Variants in NPSR1 observed in about 807,000 individuals in gnomAD.
NPSR1 encodes the protein neuropeptide S receptor.
A neutral mutation model predicts 46.9 loss-of-function variants in NPSR1; 48 were observed. The observed-to-expected ratio is 1.02, with a 90% confidence interval of 0.81 to 1.30. The LOEUF is 1.30. NPSR1 is among the 50% of genes most tolerant of loss of function. The probability of loss-of-function intolerance (pLI) is 0.00; values close to 1 mark genes in which losing one functional copy is unlikely to be tolerated. For synonymous variants in NPSR1, 176 were observed against 168.1 expected, an observed-to-expected ratio of 1.05 and a Z score of -0.36; for missense variants, 450 against 449.5, an observed-to-expected ratio of 1.00 and a Z score of -0.01.
At chr7:34,717,026 G>T (rs550252627) in intron 2 of NPSR1, among the ~76,000 whole-genome samples, 1 of 152,204 alleles carries the variant, frequency 6.6e-6, no homozygotes, top group African/African-American at 2.4e-5. Flanking sequence ...TCACTGCCAG[G>T]GATATTTTAC....
intron 2 of NPSR1, chr7:34,751,040 G>C: frequency 3.9e-6 from 3 of 774,334 alleles, no homozygotes; most frequent in Non-Finnish European, 7.2e-6. Flanking sequence ...ACTCAGGGTT[G>C]ATGAGCAGCA....
chr7:34,804,645 A>G (rs993216590), intron 3 of NPSR1, among the ~76,000 whole-genome samples: 1 of 149,892 alleles, frequency 6.7e-6, no homozygotes, highest in South Asian at 2.1e-4. Context: ...CGCCACTCCC[A>G]TTCAACACTG....
chr7:34,815,449 G>C (rs780150482), intron 4 of NPSR1, among the ~76,000 whole-genome samples: 9 of 152,182 alleles, frequency 5.9e-5, no homozygotes, highest in Non-Finnish European at 8.8e-5. Flanking sequence ...CATTTGATTA[G>C]TGTACCTGAA....
At chr7:34,776,413 T>C (rs1227093929) in intron 2 of NPSR1, among the ~76,000 whole-genome samples, 2 of 152,160 alleles carry the variant, frequency 1.3e-5, no homozygotes, top group African/African-American at 4.8e-5. Flanking sequence ...ACAATTGTTA[T>C]ATTCTCTTGC....
chr7:34,774,154 A>AGG (rs1786827113), intron 2 of NPSR1, among the ~76,000 whole-genome samples: 3 of 152,220 alleles, frequency 2.0e-5, no homozygotes, highest in Admixed American at 2.0e-4. Context: ...CTGTCTTCCA[A>AGG]GGCTACCCCA....
intron 4 of NPSR1, among the ~76,000 whole-genome samples, chr7:34,823,113 AGGCGCTGT>A (rs1789636801): frequency 6.6e-6 from 1 of 152,190 alleles, no homozygotes; most frequent in African/African-American, 2.4e-5. Context: ...AAATGAGACC[AGGCGCTGT>A]GGCCCACGCC....
intron 2 of NPSR1, among the ~76,000 whole-genome samples, chr7:34,757,276 G>A (rs1351731577): frequency 1.3e-5 from 2 of 152,204 alleles, no homozygotes; most frequent in East Asian, 3.9e-4. Flanking sequence ...TGTTAGGTTG[G>A]TGCAAAAGTA....
At chr7:34,867,049 TA>T (rs1212060520) in intron 8 of NPSR1, among the ~76,000 whole-genome samples, 1 of 151,614 alleles carries the variant, frequency 6.6e-6, no homozygotes, top group Non-Finnish European at 1.5e-5. Context: ...GAGGCCTGAA[TA>T]AGACCCTTCC....
chr7:34,875,418 G>GT (rs1791551787), intron 8 of NPSR1, among the ~76,000 whole-genome samples: 1 of 152,216 alleles, frequency 6.6e-6, no homozygotes, highest in African/African-American at 2.4e-5. Flanking sequence ...CTTCCAGAGA[G>GT]TTTAGCTGCT....
chr7:34,845,472 C>G lies in NPSR1; in HGVS notation c.844+490C>G. The G allele has an allele frequency of 7.0e-6, 3 of 430,100 alleles. 1 individual carries two copies. Among genetic ancestry groups the G allele is most frequent in the South Asian group, 5.0e-5 (3 of 59,884 alleles). 26.6% of individuals were successfully genotyped at this position (430,100 alleles called of 1,614,324 possible). A position where few individuals can be genotyped will look rare whatever the true frequency, so the allele number is the denominator to read the frequency against. ...TTTTCCTTTCTCTCTACTCTTAAGA[C>G]TCATAAAGTCACCTTGTACTATTTC... is the stretch of plus-strand genomic sequence containing the variant. On this transcript the variant is annotated intron_variant, in intron 7 of 8. Transcript: ENST00000360581.
chr7:34,793,356 CA>C (rs1204689484), intron 3 of NPSR1, among the ~76,000 whole-genome samples: 4 of 151,696 alleles, frequency 2.6e-5, no homozygotes, highest in East Asian at 3.9e-4. Context: ...AACTCAATAG[CA>C]AAAAACAAAA....
chr7:34,764,103 T>A (rs1169451322), intron 2 of NPSR1, among the ~76,000 whole-genome samples: 1 of 152,178 alleles, frequency 6.6e-6, no homozygotes, highest in Admixed American at 6.5e-5. Flanking sequence ...GTGTATTTTA[T>A]GCAAAAAAGA....
downstream of NPSR1, among the ~76,000 whole-genome samples, chr7:34,850,303 T>C (rs1790894090): frequency 6.6e-6 from 1 of 152,016 alleles, no homozygotes; most frequent in African/African-American, 2.4e-5. Context: ...GAAGGGATAC[T>C]GGTTCTGATA....
chr7:34,764,042 T>A (rs989708355), intron 2 of NPSR1, among the ~76,000 whole-genome samples: 1 of 152,218 alleles, frequency 6.6e-6, no homozygotes, highest in East Asian at 1.9e-4. Context: ...GTCAACTGAT[T>A]ACTCCAATTT....
intron 8 of NPSR1, among the ~76,000 whole-genome samples, chr7:34,872,743 T>C (rs1341830051): frequency 6.6e-6 from 1 of 151,762 alleles, no homozygotes; most frequent in Non-Finnish European, 1.5e-5. Context: ...ATGAGACTTA[T>C]TCACTATCAC....
chr7:34,764,635 G>A (rs1296247898), intron 2 of NPSR1, among the ~76,000 whole-genome samples: 2 of 152,116 alleles, frequency 1.3e-5, no homozygotes, highest in Non-Finnish European at 2.9e-5. Flanking sequence ...AGTCAGTGTG[G>A]GAACAAACAC....
chr7:34,658,702 T>C (rs1791307054), intron 1 of NPSR1, 143 bp downstream of exon 1: 2 of 846,892 alleles, frequency 2.4e-6, no homozygotes, highest in African/African-American at 3.5e-5. Context: ...AAGTCTGAAG[T>C]GCTAAAACAA....
intron 3 of NPSR1, among the ~76,000 whole-genome samples, chr7:34,804,477 C>T (rs1788588755): frequency 6.6e-6 from 1 of 151,980 alleles, no homozygotes; most frequent in Admixed American, 6.6e-5. Flanking sequence ...AATTCAACAT[C>T]CATTTATAAT....
chr7:34,701,760 GAACT>G (rs1793842591), intron 2 of NPSR1, among the ~76,000 whole-genome samples: 1 of 152,120 alleles, frequency 6.6e-6, no homozygotes, highest in African/African-American at 2.4e-5. Context: ...AGAATAATAA[GAACT>G]AATAGGCATT....
Sources: gnomAD v4.1 joint callset for allele counts (sites outside exome capture counted in the v4.1 genomes callset) on GRCh38, gnomAD v4.1.1 for gene constraint, MANE v1.5 for transcripts, NCBI Gene and HGNC (gene_info 2026-07-23, HGNC 2026-07-21) for gene names.